PTPRM: variants seen among roughly 807,000 people sequenced by gnomAD.
PTPRM encodes the protein receptor-type tyrosine-protein phosphatase mu.
Under a neutral mutation model 186.7 loss-of-function variants are expected in PTPRM, and 47 were observed. That is an observed-to-expected ratio of 0.25 (90% CI 0.20 to 0.32). The LOEUF (loss-of-function observed/expected upper bound fraction) is 0.32. PTPRM is among the 10% of genes least tolerant of loss of function. The probability of loss-of-function intolerance (pLI) is 1.00; values close to 1 mark genes in which losing one functional copy is unlikely to be tolerated. For missense variants in PTPRM, 1,494 were observed against 1,865.0 expected, an observed-to-expected ratio of 0.80 and a Z score of 3.66; for synonymous variants, 668 against 674.9, an observed-to-expected ratio of 0.99 and a Z score of 0.16.
chr18:8,099,231 C>T (rs1174751833), intron 11 of PTPRM, among the ~76,000 whole-genome samples: 1 of 151,924 alleles, frequency 6.6e-6, no homozygotes, highest in Non-Finnish European at 1.5e-5. Flanking sequence ...CCTTGGAGAG[C>T]CCACCCTGGC....
chr18:8,335,548 C>T (rs893641620), intron 22 of PTPRM, among the ~76,000 whole-genome samples: 2 of 152,166 alleles, frequency 1.3e-5, no homozygotes, highest in African/African-American at 4.8e-5. Context: ...GTATGAAATA[C>T]TTTCTAAGAC....
At chr18:8,121,520 C>G (rs1232161447) in intron 13 of PTPRM, among the ~76,000 whole-genome samples, 2 of 152,164 alleles carry the variant, frequency 1.3e-5, no homozygotes, top group Non-Finnish European at 2.9e-5. Context: ...AACTAAGAAG[C>G]CAGCCTGGTC....
chr18:8,397,178 A>G (rs1267572349), intron 32 of PTPRM, among the ~76,000 whole-genome samples: 2 of 152,226 alleles, frequency 1.3e-5, no homozygotes, highest in African/African-American at 2.4e-5. Flanking sequence ...CTAGGGTGCA[A>G]TAGAGGGGCC....
intron 17 of PTPRM, 146 bp from the exon 18 acceptor site, chr18:8,252,342 C>T: frequency 1.4e-6 from 1 of 709,484 alleles, no homozygotes; most frequent in Non-Finnish European, 2.5e-6. Context: ...GAGGCTTCGC[C>T]CTCTGACCAC....
At chr18:7,594,933 C>T (rs886447375) in intron 1 of PTPRM, among the ~76,000 whole-genome samples, 1 of 152,114 alleles carries the variant, frequency 6.6e-6, no homozygotes, top group African/African-American at 2.4e-5. Flanking sequence ...CCTCAAAGCC[C>T]ACTTCTCGGG....
chr18:8,085,810 G>A lies in PTPRM; in HGVS notation c.1691G>A (p.Arg564Gln), dbSNP rs770849671. The A allele has an allele frequency of 9.6e-5, 155 of 1,613,260 alleles. 2 individuals are homozygous for A. The South Asian group carries it at 1.5e-3, about 16-fold the overall frequency. ...YPGTTYSFTI[R>Q]ASTAKGFGPP... ...GGGACCACATACTCCTTTACCATCC[G>A]AGCTAGCACAGCTAAGGGTTTTGGG... The change falls in exon 10 of 33, where the codon CGA becomes CAA. Residue 564 changes from arginine to glutamine, a missense_variant. Physicochemically the swap from Arg to Gln is conservative, Grantham distance 43. Coordinates refer to ENST00000580170, the MANE Select transcript of PTPRM (RefSeq NM_001105244.2).
intron 1 of PTPRM, among the ~76,000 whole-genome samples, chr18:7,734,550 C>G (rs1486941095): frequency 6.6e-6 from 1 of 152,104 alleles, no homozygotes; most frequent in Non-Finnish European, 1.5e-5. Context: ...AGAGGGAAGG[C>G]AAATCTGGAT....
At chr18:7,842,812 G>GA (rs1230956404) in intron 2 of PTPRM, among the ~76,000 whole-genome samples, 2 of 130,686 alleles carry the variant, frequency 1.5e-5, no homozygotes, top group African/African-American at 6.0e-5. Flanking sequence ...ATGTGTGTGT[G>GA]TGTGTATATA....
At position 7,935,319 on chromosome 18, in the gene PTPRM, A is replaced by G. The variant is rs1294469404; in HGVS notation, c.663+8636A>G. 2.6e-5 allele frequency among the ~76,000 whole-genome samples: 4 copies of G among 152,162 alleles called. No homozygotes were observed. In the East Asian group the frequency reaches 5.8e-4, roughly 22 times the overall value. On this transcript the variant is annotated intron_variant, in intron 5 of 32. Coordinates refer to ENST00000580170, the MANE Select transcript of PTPRM (RefSeq NM_001105244.2). ...TATTGTTTTAGTCAGTTAAATATCT[A>G]TATCTATATTTATATAATATACTGA...
chr18:7,882,207 A>G (rs762911354), intron 2 of PTPRM, among the ~76,000 whole-genome samples: 4 of 152,242 alleles, frequency 2.6e-5, no homozygotes, highest in Non-Finnish European at 5.9e-5. Flanking sequence ...TCATCGAATA[A>G]TAACAAATCT....
chr18:8,193,532 A>G (rs930264582), intron 14 of PTPRM, among the ~76,000 whole-genome samples: 5 of 152,240 alleles, frequency 3.3e-5, no homozygotes, highest in African/African-American at 1.2e-4. Flanking sequence ...GTCAGCTGTA[A>G]TGAACATCAA....
At chr18:7,859,438 C>T (rs1023666507) in intron 2 of PTPRM, among the ~76,000 whole-genome samples, 1 of 152,200 alleles carries the variant, frequency 6.6e-6, no homozygotes, top group Admixed American at 6.5e-5. Flanking sequence ...CAGCCAGGCC[C>T]ATTATTACTC....
chr18:8,237,818 C>T (rs1436919125), intron 14 of PTPRM, among the ~76,000 whole-genome samples: 1 of 152,100 alleles, frequency 6.6e-6, no homozygotes. Context: ...TCACAGGACA[C>T]AGAATTCTAG....
chr18:8,344,430 ATG>A (rs143895566), intron 23 of PTPRM, among the ~76,000 whole-genome samples: 2,276 of 110,796 alleles, frequency 0.021, 61 homozygotes, highest in African/African-American at 0.052. Flanking sequence ...AGATATATAT[ATG>A]TGTGTGTGTG....
At chr18:8,287,481 G>A (rs968117717) in intron 19 of PTPRM, among the ~76,000 whole-genome samples, 2 of 152,172 alleles carry the variant, frequency 1.3e-5, no homozygotes, top group African/African-American at 4.8e-5. Flanking sequence ...AAACTGGAGG[G>A]TGGCAAAGAG....
intron 7 of PTPRM, among the ~76,000 whole-genome samples, chr18:7,966,360 A>G (rs917498282): frequency 6.6e-6 from 1 of 152,208 alleles, no homozygotes; most frequent in Non-Finnish European, 1.5e-5. Flanking sequence ...ATTCCCATTG[A>G]CCAAATAGCA....
intron 1 of PTPRM, among the ~76,000 whole-genome samples, chr18:7,660,211 C>T (rs1312691187): frequency 3.3e-5 from 5 of 152,100 alleles, no homozygotes; most frequent in African/African-American, 9.7e-5. Flanking sequence ...TGGCGCATGC[C>T]TGTAGTCCCA....
At chr18:7,720,335 T>C (rs1406569736) in intron 1 of PTPRM, among the ~76,000 whole-genome samples, 2 of 151,974 alleles carry the variant, frequency 1.3e-5, no homozygotes, top group Admixed American at 1.3e-4. Flanking sequence ...TGTAATGAAA[T>C]AGTGGGTGCT....
At chr18:7,661,308 C>T (rs1276156484) in intron 1 of PTPRM, among the ~76,000 whole-genome samples, 1 of 152,176 alleles carries the variant, frequency 6.6e-6, no homozygotes, top group East Asian at 1.9e-4. Flanking sequence ...TTTCTGAATT[C>T]CACTAAGAAG....
Sources: allele counts gnomAD v4.1 joint callset (sites outside exome capture counted in the v4.1 genomes callset), GRCh38; gene constraint gnomAD v4.1.1; transcripts MANE v1.5; gene names NCBI Gene and HGNC (gene_info 2026-07-23, HGNC 2026-07-21).